Variants in CRISP3 observed in about 807,000 individuals in gnomAD.
CRISP3 encodes cysteine rich secretory protein 3, also known as cysteine-rich secretory protein 3.
CRISP3 carries 33 observed loss-of-function variants against 36.1 expected under a neutral mutation model. The ratio of observed to expected loss-of-function variants is 0.91; its 90% CI spans 0.69 to 1.22. The LOEUF (loss-of-function observed/expected upper bound fraction) is 1.22. CRISP3 is among the 50% of genes most tolerant of loss of function. CRISP3 has a pLI of 0.00. For missense variants in CRISP3, 330 were observed against 301.2 expected (o/e 1.10, Z -0.71); for synonymous variants, 117 against 104.6 (o/e 1.12, Z -0.72).
intron 1 of CRISP3, among the ~76,000 whole-genome samples, chr6:49,739,105 A>T (rs1396670985): frequency 6.6e-6 from 1 of 152,222 alleles, no homozygotes; most frequent in Admixed American, 6.5e-5. Context: ...CTCACTCAGA[A>T]ATAACTTAAC....
chr6:49,738,484 G>A (rs1264052187), intron 1 of CRISP3, among the ~76,000 whole-genome samples: 2 of 152,168 alleles, frequency 1.3e-5, no homozygotes, highest in East Asian at 3.9e-4. Flanking sequence ...TTAGCCTTCT[G>A]ATTTGGACTG....
intron 5 of CRISP3, 130 bp downstream of exon 5, chr6:49,733,573 C>T (rs1768967601): frequency 2.2e-6 from 2 of 908,734 alleles, no homozygotes; most frequent in African/African-American, 3.3e-5. Flanking sequence ...GAAATACTCA[C>T]CAAATGCCAG....
At chr6:49,743,460 G>A (rs918652502) in intron 1 of CRISP3, among the ~76,000 whole-genome samples, 1 of 152,116 alleles carries the variant, frequency 6.6e-6, no homozygotes, top group Non-Finnish European at 1.5e-5. Flanking sequence ...TTAACTAGCA[G>A]AAGAGGCAAC....
chr6:49,739,393 G>A (rs1288316824), intron 1 of CRISP3, among the ~76,000 whole-genome samples: 2 of 152,136 alleles, frequency 1.3e-5, no homozygotes, highest in Non-Finnish European at 2.9e-5. Context: ...CAGAGTCCTG[G>A]TATATAATTA....
chr6:49,728,956 A>G, intron 7 of CRISP3, 99 bp from the exon 8 acceptor site: 1 of 1,155,644 alleles, frequency 8.7e-7, no homozygotes, highest in Non-Finnish European at 1.2e-6. Context: ...TAGGGAAGTG[A>G]GCAAACAAGT....
intron 2 of CRISP3, 105 bp from the exon 3 acceptor site, chr6:49,736,612 G>A: frequency 1.2e-6 from 1 of 829,858 alleles, no homozygotes; most frequent in South Asian, 1.4e-5. Context: ...AAAAAGTGTT[G>A]CCAATGCTAG....
In CRISP3 at chr6:49,735,484, A is replaced by G; in HGVS notation, c.316+20T>C. 1 of 1,545,834 alleles carries G rather than the reference A, an allele frequency of 6.5e-7. No individual in the cohort carries two copies. The highest frequency in any genetic ancestry group is 8.9e-7 in the Non-Finnish European group (1 of 1,125,086). ...TTTTACTTGTTGATTTATTCAACAA[A>G]TATTTCCTAATTTACATACTTGTCA... On this transcript the variant is annotated intron_variant, in intron 4 of 7. Transcript: ENST00000263045.
intron 1 of CRISP3, 195 bp from the exon 2 acceptor site, chr6:49,737,593 G>A (rs1268892710): frequency 3.1e-6 from 2 of 636,840 alleles, no homozygotes; most frequent in Non-Finnish European, 5.4e-6. Context: ...ATTCAACTGG[G>A]ACTATAAAGA....
In CRISP3 at chr6:49,743,669, G is replaced by A. The variant is rs552783206; in HGVS notation, c.37+662C>T. ...CTAATATGCTACGGAAGATAAAGCC[G>A]TATGTGGAAATTGCTTCCTTAGATG... is the stretch of plus-strand genomic sequence containing the variant. On this transcript the variant is annotated intron_variant, in intron 1 of 7. Coordinates refer to ENST00000263045, the MANE Select transcript of CRISP3 (RefSeq NM_006061.4). Among the ~76,000 whole-genome samples the A allele has an allele frequency of 2.6e-4, 40 of 152,166 alleles. 1 individual carries two copies. The South Asian group carries it at 3.5e-3, about 13-fold the overall frequency.
intron 6 of CRISP3, among the ~76,000 whole-genome samples, chr6:49,732,876 T>G (rs986678109): frequency 2.0e-5 from 3 of 152,204 alleles, no homozygotes; most frequent in African/African-American, 7.2e-5. Flanking sequence ...AAACTTAGCA[T>G]GAACTGATAA....
chr6:49,735,837 C>T (rs561300667), intron 3 of CRISP3, among the ~76,000 whole-genome samples: 1 of 152,292 alleles, frequency 6.6e-6, no homozygotes, highest in East Asian at 1.9e-4. Flanking sequence ...TTATTTATCA[C>T]AGGACATCAG....
Position 49,744,333 on chromosome 6 carries a change from G to C in CRISP3, c.35C>G (p.Thr12Ser). The C allele has an allele frequency of 6.5e-7, 1 of 1,530,318 alleles. No individual in the cohort carries two copies. The highest frequency in any genetic ancestry group is 8.8e-7 in the Non-Finnish European group (1 of 1,142,536). 94.8% of individuals were successfully genotyped at this position (1,530,318 alleles called of 1,614,324 possible). A position where few individuals can be genotyped will look rare whatever the true frequency, so the allele number is the denominator to read the frequency against. ...KQILHPALET[T>S]AMTLFPVLLF... ...GAAATAAAGGAGTTATCACTTACCA[G>C]TGGTTTCCAGAGCAGGATGAAGTAT... is the stretch of plus-strand genomic sequence containing the variant. Residue 12 changes from threonine (T) to serine (S), a missense_variant and splice_region_variant, in exon 1 of 8, where the codon ACT becomes AGT. Coordinates refer to ENST00000263045, the MANE Select transcript of CRISP3 (RefSeq NM_006061.4).
At chr6:49,731,016 T>C (rs1326591342) in intron 7 of CRISP3, 147 bp downstream of exon 7, 3 of 533,606 alleles carry the variant, frequency 5.6e-6, no homozygotes, top group African/African-American at 4.0e-5. Flanking sequence ...CACTCCAGCC[T>C]GGGCGACAGA....
At chr6:49,740,476 A>C (rs1048674314) in intron 1 of CRISP3, among the ~76,000 whole-genome samples, 3 of 148,954 alleles carry the variant, frequency 2.0e-5, no homozygotes, top group Non-Finnish European at 4.4e-5. Context: ...AAAATTATAG[A>C]AGCAAGAGGG....
chr6:49,737,367 C>G lies in CRISP3; in HGVS notation c.69G>C (p.Leu23=). ...GAAAAGATGGAAGCAGCCCAGCAAC[C>G]AGGAACAACAGCACTGGGAATAATG... The part of the protein sequence containing the change: ...AMTLFPVLLF[L]VAGLLPSFPA... Residue 23 remains leucine, a synonymous_variant, in exon 2 of 8, where the codon CTG becomes CTC. Transcript: ENST00000263045. 1 of 1,613,944 alleles carries G rather than the reference C, an allele frequency of 6.2e-7. No individual in the cohort carries two copies. The highest frequency in any genetic ancestry group is 1.1e-5 in the South Asian group (1 of 91,064).
Position 49,741,827 on chromosome 6 carries a change from A to T in CRISP3, c.37+2504T>A, listed in dbSNP as rs867434041. 2.5e-4 allele frequency among the ~76,000 whole-genome samples: 37 copies of T among 146,954 alleles called. 1 individual carries two copies. The highest frequency in any genetic ancestry group is 5.3e-3 in the Middle Eastern group (1 of 188). Reference sequence around the variant, plus strand: ...AAAGCCATAAGAAAAGAAAGTATATACATATATATATATATAATATATACA... The same window carrying T: ...AAAGCCATAAGAAAAGAAAGTATATTCATATATATATATATAATATATACA... On this transcript the variant is annotated intron_variant, in intron 1 of 7. Coordinates refer to ENST00000263045, the MANE Select transcript of CRISP3 (RefSeq NM_006061.4).
chr6:49,743,251 T>G (rs1204016100), intron 1 of CRISP3, among the ~76,000 whole-genome samples: 2 of 152,124 alleles, frequency 1.3e-5, no homozygotes, highest in Non-Finnish European at 2.9e-5. Context: ...TCATAGCAAT[T>G]ATCAGATTTA....
chr6:49,730,421 A>C (rs1768887004), intron 7 of CRISP3, among the ~76,000 whole-genome samples: 1 of 152,102 alleles, frequency 6.6e-6, no homozygotes, highest in Non-Finnish European at 1.5e-5. Flanking sequence ...AAAATGAGGA[A>C]GTTAGTATGA....
Position 49,727,704 on chromosome 6 carries a change from A to G in CRISP3, c.*1026T>C, listed in dbSNP as rs1768801115. On this transcript the variant is annotated 3_prime_UTR_variant, in exon 8 of 8. Transcript: ENST00000263045. ...GTTTCTCAGGATTCCCTTATTTTCC[A>G]TGATTTTTACAGTTTTGAGGAATAC... The G allele has an allele frequency of 6.6e-6, 1 of 152,028 alleles. No homozygotes were observed. The highest frequency in any genetic ancestry group is 2.1e-4 in the South Asian group (1 of 4,830). 9.4% of individuals were successfully genotyped at this position (152,028 alleles called of 1,614,324 possible). A position where few individuals can be genotyped will look rare whatever the true frequency, so the allele number is the denominator to read the frequency against.
Sources: gnomAD v4.1 joint callset for allele counts (sites outside exome capture counted in the v4.1 genomes callset) on GRCh38, gnomAD v4.1.1 for gene constraint, MANE v1.5 for transcripts, NCBI Gene and HGNC (gene_info 2026-07-23, HGNC 2026-07-21) for gene names.